The following CASP10 variants were observed in gnomAD, a reference collection of about 807,000 sequenced individuals.
The protein encoded by CASP10 is caspase 10, also known as caspase-10.
CASP10 carries 41 observed loss-of-function variants against 48.5 expected under a neutral mutation model. The observed-to-expected ratio is 0.85, with a 90% CI of 0.66 to 1.10. The LOEUF (loss-of-function observed/expected upper bound fraction) is 1.10. Ranked by LOEUF, CASP10 falls within the 50% of genes least tolerant of loss-of-function variation. The pLI, the probability that CASP10 is intolerant of heterozygous loss-of-function variation, is 0.00. For synonymous variants in CASP10, 232 were observed against 238.4 expected (o/e 0.97, Z 0.25); for missense variants, 614 against 614.5 (o/e 1.00, Z 0.01).
chr2:201,214,774 T>A (rs1217198645), intron 9 of CASP10: 1 of 152,150 alleles, frequency 6.6e-6, no homozygotes, highest in Non-Finnish European at 1.5e-5. Flanking sequence ...GAGTAATGGG[T>A]ATTACATTTG....
At chr2:201,184,774 A>G (rs572907006) in intron 1 of CASP10, among the ~76,000 whole-genome samples, 14 of 152,344 alleles carry the variant, frequency 9.2e-5, no homozygotes, top group African/African-American at 3.4e-4. Context: ...AATTTAGTAT[A>G]GAGAATAGCA....
intron 4 of CASP10, chr2:201,193,450 C>G (rs1404166357): frequency 3.0e-6 from 1 of 336,400 alleles, no homozygotes; most frequent in South Asian, 2.4e-5. Flanking sequence ...TCAAGTGATC[C>G]ACCCACCTCG....
chr2:201,217,681 T>G lies in CASP10; in HGVS notation c.1509T>G (p.Pro503=), dbSNP rs775332528. The G allele has an allele frequency of 3.1e-6, 5 of 1,614,180 alleles. No homozygotes were observed. The South Asian group carries it at 5.5e-5, about 18-fold the overall frequency. Residue 503 remains proline, a synonymous_variant, in exon 10 of 10, where the codon CCT becomes CCG. Transcript: ENST00000286186. ...GAACAAAGAAACAGATGCCCCAGCC[T>G]GCTTTCACACTAAGGAAAAAACTAG... ...KQGTKKQMPQ[P]AFTLRKKLVF...
Position 201,220,614 on chromosome 2 carries a change from TGTAA to T in CASP10, c.*2876_*2879del, listed in dbSNP as rs1393990292. ...CCTAAATCCTTAAAAACTCTTAGTC[TGTAA>T]GTGAGTGGGCTCTGACCTAACTCGG... is the stretch of plus-strand genomic sequence containing the variant. On this transcript the variant is annotated 3_prime_UTR_variant, in exon 10 of 10. Transcript: ENST00000286186. 2.6e-5 allele frequency: 8 copies of T among 312,892 alleles called. No individual in the cohort carries two copies. Among genetic ancestry groups the T allele is most frequent in the African/African-American group, 1.4e-4 (6 of 44,282 alleles). 19.4% of individuals were successfully genotyped at this position (312,892 alleles called of 1,614,324 possible). A position where few individuals can be genotyped will look rare whatever the true frequency, so the allele number is the denominator to read the frequency against.
intron 6 of CASP10, 126 bp from the exon 7 acceptor site, chr2:201,205,756 G>A (rs1230726021): frequency 1.4e-6 from 1 of 708,576 alleles, no homozygotes; most frequent in Non-Finnish European, 2.6e-6. Flanking sequence ...AGGGCATGGT[G>A]GCTGAATTTG....
At chr2:201,190,476 A>G (rs1944570492) in intron 3 of CASP10, among the ~76,000 whole-genome samples, 1 of 152,198 alleles carries the variant, frequency 6.6e-6, no homozygotes, top group African/African-American at 2.4e-5. Flanking sequence ...TTACCTGCTC[A>G]AATGGTAGCA....
At chr2:201,210,415 G>A (rs1356228505) in intron 9 of CASP10, among the ~76,000 whole-genome samples, 1 of 152,234 alleles carries the variant, frequency 6.6e-6, no homozygotes, top group Non-Finnish European at 1.5e-5. Context: ...CTGGGCCAAT[G>A]AATGACTTGC....
downstream of CASP10, among the ~76,000 whole-genome samples, chr2:201,222,669 G>A (rs914241031): frequency 2.0e-5 from 3 of 152,168 alleles, no homozygotes; most frequent in South Asian, 2.1e-4. Flanking sequence ...ATTCACAATG[G>A]TGTTGGGCAG....
chr2:201,203,461 C>T (rs769165088), intron 5 of CASP10, among the ~76,000 whole-genome samples: 9 of 152,102 alleles, frequency 5.9e-5, no homozygotes, highest in Admixed American at 4.6e-4. Context: ...CATGCGCTAC[C>T]ACACCCGGCT....
At chr2:201,216,492 A>G (rs568350520) in intron 9 of CASP10, among the ~76,000 whole-genome samples, 3 of 152,310 alleles carry the variant, frequency 2.0e-5, no homozygotes, top group Admixed American at 1.3e-4. Context: ...AAACAGACAC[A>G]GGAAGATTTG....
At chr2:201,208,940 A>C (rs1192042733) in intron 8 of CASP10, 130 bp from the exon 9 acceptor site, 3 of 1,000,270 alleles carry the variant, frequency 3.0e-6, no homozygotes, top group Non-Finnish European at 2.9e-6. Context: ...GGCCTTCCAA[A>C]GTGCTGAGAT....
downstream of CASP10, among the ~76,000 whole-genome samples, chr2:201,224,855 T>C (rs1216302816): frequency 6.6e-6 from 1 of 152,226 alleles, no homozygotes; most frequent in Non-Finnish European, 1.5e-5. Flanking sequence ...TTATGGAATA[T>C]TTGGGAAATA....
intron 5 of CASP10, among the ~76,000 whole-genome samples, chr2:201,199,986 G>T (rs1378624930): frequency 6.6e-6 from 1 of 152,108 alleles, no homozygotes; most frequent in Non-Finnish European, 1.5e-5. Flanking sequence ...TCATTAAATA[G>T]AATTTTCCTT....
chr2:201,218,014 A>C lies in CASP10; in HGVS notation c.*273A>C, dbSNP rs1232257269. 8.9e-6 allele frequency: 8 copies of C among 895,698 alleles called. No homozygotes were observed. Among genetic ancestry groups the C allele is most frequent in the Non-Finnish European group, 1.2e-5 (8 of 662,378 alleles). The allele number at this position is 895,698 out of a possible 1,614,324, so 55.5% of individuals were successfully genotyped here. ...CTGTAGTCTCGACCTCCCAGGCTCA[A>C]GCTGTCCTCCCGCCTCAGCTTCCCA... is the stretch of plus-strand genomic sequence containing the variant. On this transcript the variant is annotated 3_prime_UTR_variant, in exon 10 of 10. Coordinates refer to ENST00000286186, the MANE Select transcript of CASP10 (RefSeq NM_032977.4).
rs544822951 is a variant in CASP10, at chr2:201,213,320, A to G, written c.1415+3758A>G. ...GTCCTATAATAATTTTAGGATTTAG[A>G]GATAGTAAGAGAATTGGTGAAAGGT... On this transcript the variant is annotated intron_variant, in intron 9 of 9. Transcript: ENST00000286186. 2.0e-5 allele frequency: 3 copies of G among 152,318 alleles called. No homozygotes were observed. In the East Asian group the frequency reaches 5.8e-4, roughly 29 times the overall value. The allele number at this position is 152,318 out of a possible 1,614,324, so 9.4% of individuals were successfully genotyped here. A position where few individuals can be genotyped will look rare whatever the true frequency, so the allele number is the denominator to read the frequency against.
chr2:201,221,491 GCACC>G lies in CASP10; in HGVS notation c.*3751_*3754del, dbSNP rs1945718834. 1 of 165,012 alleles carries G rather than the reference GCACC, an allele frequency of 6.1e-6. No homozygotes were observed. The highest frequency in any genetic ancestry group is 2.4e-5 in the African/African-American group (1 of 41,622). The allele number at this position is 165,012 out of a possible 1,614,324, so 10.2% of individuals were successfully genotyped here. A position where few individuals can be genotyped will look rare whatever the true frequency, so the allele number is the denominator to read the frequency against. On this transcript the variant is annotated 3_prime_UTR_variant, in exon 10 of 10. Coordinates refer to ENST00000286186, the MANE Select transcript of CASP10 (RefSeq NM_032977.4). Reference sequence around the variant, plus strand: ...CCTGGCTCAAAAGCTCCCCCAGTGAGCACCTTGTGACCCCCATCCCTGCCAGCCA... The same window carrying G: ...CCTGGCTCAAAAGCTCCCCCAGTGAGTTGTGACCCCCATCCCTGCCAGCCA...
chr2:201,220,027 T>G lies in CASP10; in HGVS notation c.*2286T>G. The G allele has an allele frequency of 1.0e-6, 1 of 985,466 alleles. No individual in the cohort carries two copies. Among genetic ancestry groups the G allele is most frequent in the Non-Finnish European group, 1.2e-6 (1 of 829,920 alleles). 61.0% of individuals were successfully genotyped at this position (985,466 alleles called of 1,614,324 possible). ...AACAACTCTCAGTGGTGCCTGCATTTATAATTATTTATGTGAAAGTCAAAT... is the reference window on the plus strand; with the variant it reads ...AACAACTCTCAGTGGTGCCTGCATTGATAATTATTTATGTGAAAGTCAAAT... On this transcript the variant is annotated 3_prime_UTR_variant, in exon 10 of 10. Coordinates refer to ENST00000286186, the MANE Select transcript of CASP10 (RefSeq NM_032977.4).
At chr2:201,192,935 G>C (rs1944660277) in intron 3 of CASP10, 49 bp from the exon 4 acceptor site, 1 of 1,595,644 alleles carries the variant, frequency 6.3e-7, no homozygotes, top group Non-Finnish European at 8.6e-7. Context: ...ATTTGAGTGA[G>C]TGGATAATCA....
intron 9 of CASP10, among the ~76,000 whole-genome samples, chr2:201,227,554 A>G (rs1267941461): frequency 6.6e-6 from 1 of 151,838 alleles, no homozygotes; most frequent in African/African-American, 2.4e-5. Context: ...ATGTAATTTG[A>G]TTTTTTATTT....
Sources: gnomAD v4.1 joint callset for allele counts (sites outside exome capture counted in the v4.1 genomes callset) on GRCh38, gnomAD v4.1.1 for gene constraint, MANE v1.5 for transcripts, NCBI Gene and HGNC (gene_info 2026-07-23, HGNC 2026-07-21) for gene names.